Variants in PRR11 observed in about 807,000 individuals in gnomAD.
PRR11 encodes the protein proline-rich protein 11.
PRR11 carries 30 observed loss-of-function variants against 45.6 expected under a neutral mutation model. That is an observed-to-expected ratio of 0.66 (90% CI 0.49 to 0.89). PRR11 has a LOEUF of 0.89. Among genes scored for constraint, PRR11 ranks in the 40% least tolerant of loss-of-function variants. PRR11 has a pLI of 0.00. For missense variants in PRR11, 373 were observed against 424.8 expected (o/e 0.88, Z 1.07); for synonymous variants, 128 against 153.5 (o/e 0.83, Z 1.23).
intron 1 of PRR11, among the ~76,000 whole-genome samples, chr17:59,164,209 A>G (rs1193011026): frequency 6.6e-6 from 1 of 152,058 alleles, no homozygotes; most frequent in Non-Finnish European, 1.5e-5. Context: ...TGCAGCAGAG[A>G]CCATATGGCC....
intron 2 of PRR11, chr17:59,178,525 G>A (rs2046762058): frequency 2.9e-5 from 15 of 526,022 alleles, no homozygotes; most frequent in Non-Finnish European, 5.3e-5. Flanking sequence ...TTTAATGACA[G>A]GATCCTCTGT....
chr17:59,186,381 ATTTTT>A (rs59082405), intron 4 of PRR11, among the ~76,000 whole-genome samples: 2 of 84,610 alleles, frequency 2.4e-5, no homozygotes, highest in African/African-American at 4.3e-5. Flanking sequence ...GCTGTTTGTA[ATTTTT>A]TTTTTTTTTT....
chr17:59,165,242 G>A (rs1227568501), intron 1 of PRR11, among the ~76,000 whole-genome samples: 1 of 151,738 alleles, frequency 6.6e-6, no homozygotes, highest in Non-Finnish European at 1.5e-5. Context: ...GGATGGTCTC[G>A]ATCTCCTGAC....
At chr17:59,185,406 C>A in intron 3 of PRR11, 34 bp from the exon 4 acceptor site, 1 of 1,581,972 alleles carries the variant, frequency 6.3e-7, no homozygotes, top group South Asian at 1.1e-5. Context: ...TCATATTACT[C>A]ATAGGACTCA....
intron 1 of PRR11, among the ~76,000 whole-genome samples, chr17:59,161,644 G>A (rs763344704): frequency 6.6e-6 from 1 of 152,148 alleles, no homozygotes. Context: ...AACTACTCAG[G>A]AGGCTGAGGC....
chr17:59,158,765 G>T (rs771937066), intron 1 of PRR11, among the ~76,000 whole-genome samples: 1 of 152,174 alleles, frequency 6.6e-6, no homozygotes, highest in Non-Finnish European at 1.5e-5. Flanking sequence ...GAAGTTAGAG[G>T]ACAGAACGGA....
At position 59,193,483 on chromosome 17, in the gene PRR11, T is replaced by G. The variant is rs1172360461; in HGVS notation, c.403-9T>G. 2 of 1,613,874 alleles carry G rather than the reference T, an allele frequency of 1.2e-6. No homozygotes were observed. The highest frequency in any genetic ancestry group is 1.7e-6 in the Non-Finnish European group (2 of 1,179,848). On this transcript the variant is annotated splice_polypyrimidine_tract_variant and intron_variant, in intron 4 of 9. Coordinates refer to ENST00000262293, the MANE Select transcript of PRR11 (RefSeq NM_018304.4). ...TTATTTATTTGCCAAATGTGATGTC[T>G]TCTTCCAGACCATCTCAGAAAGTTC...
At chr17:59,193,413 G>C in intron 4 of PRR11, 79 bp from the exon 5 acceptor site, 5 of 1,528,008 alleles carry the variant, frequency 3.3e-6, no homozygotes, top group Non-Finnish European at 4.5e-6. Context: ...ATACATGGTA[G>C]CTATTATTTT....
At chr17:59,198,973 A>C (rs923339230) in intron 9 of PRR11, among the ~76,000 whole-genome samples, 7 of 152,218 alleles carry the variant, frequency 4.6e-5, no homozygotes, top group African/African-American at 1.4e-4. Flanking sequence ...GTGTTGAAGT[A>C]CTGGGAATAT....
chr17:59,178,019 A>G (rs1462733098), intron 2 of PRR11, among the ~76,000 whole-genome samples: 1 of 148,548 alleles, frequency 6.7e-6, no homozygotes. Flanking sequence ...AAAAAAAAAC[A>G]GGTGGGCACC....
At chr17:59,192,106 A>G (rs571647212) in intron 4 of PRR11, among the ~76,000 whole-genome samples, 1 of 152,314 alleles carries the variant, frequency 6.6e-6, no homozygotes, top group South Asian at 2.1e-4. Context: ...TTCCTGGATT[A>G]TCTAGGTGGA....
At chr17:59,195,016 T>C (rs1462002463) in intron 6 of PRR11, among the ~76,000 whole-genome samples, 161 bp downstream of exon 6, 1 of 152,194 alleles carries the variant, frequency 6.6e-6, no homozygotes, top group Non-Finnish European at 1.5e-5. Context: ...TCAATTTGTA[T>C]ACAATTGGGG....
chr17:59,181,909 A>C, intron 2 of PRR11: 2 of 1,198,156 alleles, frequency 1.7e-6, no homozygotes, highest in East Asian at 5.4e-5. Context: ...CAACCCCATG[A>C]GCCGCTCCTT....
intron 1 of PRR11, among the ~76,000 whole-genome samples, chr17:59,157,968 A>G (rs946373411): frequency 6.6e-6 from 1 of 152,240 alleles, no homozygotes; most frequent in Non-Finnish European, 1.5e-5. Context: ...AGAAGAGACT[A>G]TGGCAAAGGG....
At position 59,205,555 on chromosome 17, in the gene PRR11, A is replaced by G. The variant is rs1304507799; in HGVS notation, c.*3924A>G. ...TGTCTCTACTAAAAATACAAAAATTAGCCGGGCATAGTGGCAGACACCTGT... is the reference window on the plus strand; with the variant it reads ...TGTCTCTACTAAAAATACAAAAATTGGCCGGGCATAGTGGCAGACACCTGT... On this transcript the variant is annotated 3_prime_UTR_variant, in exon 10 of 10. Transcript: ENST00000262293. Among the ~76,000 whole-genome samples, 1 of 149,232 alleles carries G rather than the reference A, an allele frequency of 6.7e-6. No homozygotes were observed. Among genetic ancestry groups the G allele is most frequent in the Non-Finnish European group, 1.5e-5 (1 of 67,502 alleles).
intron 5 of PRR11, among the ~76,000 whole-genome samples, chr17:59,193,973 T>G (rs1446317401): frequency 1.3e-5 from 2 of 152,160 alleles, no homozygotes; most frequent in African/African-American, 4.8e-5. Flanking sequence ...GTGGAAGATT[T>G]CTATTCGCTT....
rs558628545 is a variant in PRR11 at position 59,181,240 on chromosome 17, G to A, written c.129-3814G>A. Among the ~76,000 whole-genome samples, 11 of 150,550 alleles carry A rather than the reference G, an allele frequency of 7.3e-5. No individual in the cohort carries two copies. In the South Asian group the frequency reaches 8.4e-4, roughly 11 times the overall value. ...CCTGACCTCGTAATCCGCCCGCCTC[G>A]GCCTCCGAAAGTGCTGGGATTACAG... is the stretch of plus-strand genomic sequence containing the variant. On this transcript the variant is annotated intron_variant, in intron 2 of 9. Coordinates refer to ENST00000262293, the MANE Select transcript of PRR11 (RefSeq NM_018304.4).
intron 4 of PRR11, among the ~76,000 whole-genome samples, chr17:59,189,537 T>C (rs1254958476): frequency 6.6e-6 from 1 of 152,004 alleles, no homozygotes; most frequent in Non-Finnish European, 1.5e-5. Context: ...TCTCACCATG[T>C]TGCCCAGGCT....
At chr17:59,162,806 G>A (rs540991056) in intron 1 of PRR11, among the ~76,000 whole-genome samples, 69 of 135,388 alleles carry the variant, frequency 5.1e-4, no homozygotes, top group South Asian at 1.9e-3. Context: ...TCGGCTCACC[G>A]CAACCTCCAC....
Sources: allele counts gnomAD v4.1 joint callset (sites outside exome capture counted in the v4.1 genomes callset), GRCh38; gene constraint gnomAD v4.1.1; transcripts MANE v1.5; gene names NCBI Gene and HGNC (gene_info 2026-07-23, HGNC 2026-07-21).